Variants in FN1 observed in about 807,000 individuals in gnomAD.
The protein encoded by FN1 is fibronectin.
Under a neutral mutation model 297.3 loss-of-function variants are expected in FN1, and 106 were observed. That is an observed-to-expected ratio of 0.36 (90% CI 0.30 to 0.42). The LOEUF is 0.42. Among genes scored for constraint, FN1 ranks in the 10% least tolerant of loss-of-function variants. The probability of loss-of-function intolerance (pLI) is 1.00; values close to 1 mark genes in which losing one functional copy is unlikely to be tolerated. For synonymous variants in FN1, 1,149 were observed against 1,152.6 expected, an observed-to-expected ratio of 1.00 and a Z score of 0.06; for missense variants, 2,690 against 3,124.9, an observed-to-expected ratio of 0.86 and a Z score of 3.32.
rs1304755474 is a variant in FN1 at position 215,414,837 on chromosome 2, A to C, written c.1941T>G (p.Pro647=). The C allele has an allele frequency of 6.2e-7, 1 of 1,613,710 alleles. No homozygotes were observed. Among genetic ancestry groups the C allele is most frequent in the Admixed American group, 1.7e-5 (1 of 60,020 alleles). ...CAAGGTTTCTGGGTGGGATACTCAC[A>C]GGTCTCCACCTGAGAATGTACTTGG... ...HISKYILRWR[P]KNSVGRWKEA... is the part of the protein sequence containing the mutation. Residue 647 remains proline (P), a splice_region_variant and synonymous_variant, in exon 13 of 46, where the codon CCT becomes CCG. Coordinates refer to ENST00000354785, the MANE Select transcript of FN1 (RefSeq NM_212482.4).
chr2:215,370,547 C>CAAAAAAAAAAAA (rs1559336677), intron 40 of FN1, 115 bp from the exon 41 acceptor site: 4 of 297,722 alleles, frequency 1.3e-5, no homozygotes, highest in African/African-American at 9.8e-5. Context: ...AGACAAAAAA[C>CAAAAAAAAAAAA]AAAAAACAAA....
intron 22 of FN1, 26 bp downstream of exon 22, chr2:215,397,654 T>G (rs1415203635): frequency 7.5e-6 from 12 of 1,609,294 alleles, no homozygotes; most frequent in Non-Finnish European, 9.4e-6. Context: ...TAAAAACTAA[T>G]AGAAAAGGGA....
At chr2:215,385,010 A>C (rs934648873) in intron 28 of FN1, 34 bp from the exon 29 acceptor site, 2 of 1,357,066 alleles carry the variant, frequency 1.5e-6, no homozygotes, top group African/African-American at 2.9e-5. Flanking sequence ...CACATCCGTA[A>C]TTTTCAAACA....
intron 8 of FN1, among the ~76,000 whole-genome samples, chr2:215,423,937 T>A (rs912257936): frequency 6.6e-6 from 1 of 152,222 alleles, no homozygotes; most frequent in African/African-American, 2.4e-5. Flanking sequence ...ACTGGAAGGC[T>A]ACTCCCTTGG....
Position 215,432,007 on chromosome 2 carries a change from A to AT in FN1, c.416-44dup, listed in dbSNP as rs113868976. The AT allele has an allele frequency of 0.23, 319,537 of 1,368,724 alleles. 9,263 individuals carry two copies. The highest frequency in any genetic ancestry group is 0.26 in the Non-Finnish European group (259,741 of 999,782). The allele number at this position is 1,368,724 out of a possible 1,614,324, so 84.8% of individuals were successfully genotyped here. On this transcript the variant is annotated intron_variant, in intron 3 of 45. Transcript: ENST00000354785. ...AAAATGTTAGGAGAGGGCAGAACAG[A>AT]TTTTTTTTTTTGGTCTCATATTCCA...
Position 215,424,192 on chromosome 2 carries a change from C to A in FN1, c.1170G>T (p.Ser390=), listed in dbSNP as rs745915615. Residue 390 remains serine (S), a synonymous_variant, in exon 8 of 46, where the codon TCG becomes TCT. Transcript: ENST00000354785. ...AGTATTTCTGGTCCTGCTCATAATT[C>A]GAAGTTGTGCTGCACCAAAGATGTC... ...QDGHLWCSTT[S]NYEQDQKYSF... is the part of the protein sequence containing the mutation. 3 of 1,614,050 alleles carry A rather than the reference C, an allele frequency of 1.9e-6. No individual in the cohort carries two copies. The African/African-American group carries it at 4.0e-5, about 22-fold the overall frequency.
Position 215,406,582 on chromosome 2 carries a change from A to C in FN1, c.2714-72T>G, listed in dbSNP as rs533345285. ...TACTTTTAAGAAGCCAGTTTCTTGG[A>C]TATGTTAGGCAGTTCATTGAGCCTC... is the stretch of plus-strand genomic sequence containing the variant. On this transcript the variant is annotated intron_variant, in intron 18 of 45. Coordinates refer to ENST00000354785, the MANE Select transcript of FN1 (RefSeq NM_212482.4). 6.1e-5 allele frequency: 92 copies of C among 1,507,176 alleles called. 1 individual carries two copies. The African/African-American group carries it at 9.5e-4, about 16-fold the overall frequency. 93.4% of individuals were successfully genotyped at this position (1,507,176 alleles called of 1,614,324 possible).
At chr2:215,379,943 G>C (rs562514399) in intron 33 of FN1, 436 of 153,120 alleles carry the variant, frequency 2.8e-3, no homozygotes, top group Non-Finnish European at 4.4e-3. Context: ...CAGTGCTCCC[G>C]GCTTAGCCTC....
At chr2:215,363,612 TTGGATACC>T (rs1233555768) in intron 44 of FN1, 1 of 152,240 alleles carries the variant, frequency 6.6e-6, no homozygotes, top group East Asian at 1.9e-4. Flanking sequence ...TCTTTGCATC[TTGGATACC>T]TGTAATTGGT....
At chr2:215,387,676 C>T (rs978364273) in intron 27 of FN1, among the ~76,000 whole-genome samples, 5 of 152,128 alleles carry the variant, frequency 3.3e-5, no homozygotes, top group Admixed American at 3.3e-4. Flanking sequence ...ACTAAGATAT[C>T]ATAAGTCCTT....
rs1053235212 is a variant in FN1 at position 215,394,925 on chromosome 2, A to C, written c.3605-206T>G. Among the ~76,000 whole-genome samples, 3 of 152,122 alleles carry C rather than the reference A, an allele frequency of 2.0e-5. No homozygotes were observed. The East Asian group carries it at 5.8e-4, about 29-fold the overall frequency. ...TTTATTTTTTTATTTTTATTTTTTG[A>C]GACAGTCTCCCTCTATCACCCAGGC... is the stretch of plus-strand genomic sequence containing the variant. On this transcript the variant is annotated intron_variant, in intron 23 of 45. Coordinates refer to ENST00000354785, the MANE Select transcript of FN1 (RefSeq NM_212482.4).
intron 6 of FN1, 108 bp downstream of exon 6, chr2:215,428,072 A>T: frequency 3.0e-6 from 4 of 1,331,922 alleles, no homozygotes; most frequent in Non-Finnish European, 2.1e-6. Flanking sequence ...TTATTAGCTG[A>T]AACACTGCAA....
In FN1 at chr2:215,371,986, A is replaced by G; in HGVS notation, c.6637T>C (p.Ser2213Pro). 3.1e-6 allele frequency: 5 copies of G among 1,614,204 alleles called. No individual in the cohort carries two copies. Among genetic ancestry groups the G allele is most frequent in the Non-Finnish European group, 4.2e-6 (5 of 1,180,042 alleles). Residue 2213 changes from serine (S) to proline (P), a missense_variant, in exon 40 of 46, where the codon TCA becomes CCA. Transcript: ENST00000354785. ...GQEALSQTTI[S>P]WAPFQDTSEY... ...GAAGTGTCCTGGAATGGGGCCCATG[A>G]GATGGTTGTCTGAGAGAGAGCTTCT...
chr2:215,406,997 T>A, intron 18 of FN1, 130 bp downstream of exon 18: 1 of 760,766 alleles, frequency 1.3e-6, no homozygotes, highest in Non-Finnish European at 2.3e-6. Flanking sequence ...CAGCTAAATA[T>A]CAGAAGTTTA....
chr2:215,393,227 A>G lies in FN1; in HGVS notation c.3797-24T>C, dbSNP rs377058199. On this transcript the variant is annotated intron_variant, in intron 24 of 45. Coordinates refer to ENST00000354785, the MANE Select transcript of FN1 (RefSeq NM_212482.4). ...CTCTATTGAGTTACAAAGCAAAGGGAGGGGGAGGCAAAAGGAAAATAGAGG... is the reference window on the plus strand; with the variant it reads ...CTCTATTGAGTTACAAAGCAAAGGGGGGGGGAGGCAAAAGGAAAATAGAGG... The G allele has an allele frequency of 6.5e-5, 96 of 1,475,890 alleles. No homozygotes were observed. The African/African-American group carries it at 1.2e-3, about 19-fold the overall frequency. The allele number at this position is 1,475,890 out of a possible 1,614,324, so 91.4% of individuals were successfully genotyped here.
rs537028831 is a variant in FN1, at chr2:215,391,488, A to G, written c.4252+144T>C. Reference sequence around the variant, plus strand: ...AACAAACATTACATCTTTCAAAATTAATGGAGCTGTGCATTGAATTCAGAG... The same window carrying G: ...AACAAACATTACATCTTTCAAAATTGATGGAGCTGTGCATTGAATTCAGAG... On this transcript the variant is annotated intron_variant, in intron 26 of 45. Transcript: ENST00000354785. 596 of 701,948 alleles carry G rather than the reference A, an allele frequency of 8.5e-4. 7 individuals carry two copies. In the South Asian group the frequency reaches 8.5e-3, roughly 10 times the overall value. 43.5% of individuals were successfully genotyped at this position (701,948 alleles called of 1,614,324 possible). A position where few individuals can be genotyped will look rare whatever the true frequency, so the allele number is the denominator to read the frequency against.
chr2:215,425,262 G>A lies in FN1; in HGVS notation c.868C>T (p.Arg290Cys), dbSNP rs1018955766. The A allele has an allele frequency of 1.2e-6, 2 of 1,614,132 alleles. No individual in the cohort carries two copies. The highest frequency in any genetic ancestry group is 1.7e-6 in the Non-Finnish European group (2 of 1,180,020). The change falls in exon 7 of 46, where the codon CGT becomes TGT. Residue 290 changes from arginine to cysteine, a missense_variant. Arg to Cys is a radical substitution (Grantham distance 180). Around this residue, in one of 3 missense-constraint regions of FN1, gnomAD observed 876 missense variants for 1,058.1 expected, o/e 0.83. Transcript: ENST00000354785. ...GGCTGCGGTTGGTAAACAGCTGCAC[G>A]AACATCGGTGAAGGGGCCAGATCCT... ...SSGSGPFTDV[R>C]AAVYQPQPHP...
Position 215,425,168 on chromosome 2 carries a change from T to C in FN1, c.962A>G (p.Gln321Arg). ...DSGVVYSVGM[Q>R]WLKTQGNKQM... ...CTTATTTCCTTGTGTCTTCAGCCAC[T>C]GCATCCCCACAGAGTAGACCACACC... Residue 321 changes from glutamine (Q) to arginine (R), a missense_variant, in exon 7 of 46, where the codon CAG becomes CGG. Around this residue, in one of 3 missense-constraint regions of FN1, gnomAD observed 876 missense variants for 1,058.1 expected, o/e 0.83. Coordinates refer to ENST00000354785, the MANE Select transcript of FN1 (RefSeq NM_212482.4). 6.2e-7 allele frequency: 1 copy of C among 1,614,194 alleles called. No homozygotes were observed. Among genetic ancestry groups the C allele is most frequent in the South Asian group, 1.1e-5 (1 of 91,088 alleles).
At chr2:215,406,051 T>G (rs1268153153) in intron 19 of FN1, among the ~76,000 whole-genome samples, 187 bp downstream of exon 19, 4 of 152,228 alleles carry the variant, frequency 2.6e-5, no homozygotes, top group Non-Finnish European at 5.9e-5. Flanking sequence ...TTAGCATCCA[T>G]GGAGCTTGTC....
Sources: gnomAD v4.1 joint callset for allele counts (sites outside exome capture counted in the v4.1 genomes callset) on GRCh38, gnomAD v4.1.1 for gene constraint, gnomAD v4.1.1 regional missense constraint, MANE v1.5 for transcripts, NCBI Gene and HGNC (gene_info 2026-07-23, HGNC 2026-07-21) for gene names.